Variants in ITFG1 observed in about 807,000 individuals in gnomAD.
ITFG1 encodes the protein integrin alpha FG-GAP repeat containing 1, also known as T-cell immunomodulatory protein.
ITFG1 carries 34 observed loss-of-function variants against 81.8 expected under a neutral mutation model. That is an observed-to-expected ratio of 0.42 (90% CI 0.32 to 0.55). The LOEUF (loss-of-function observed/expected upper bound fraction) is 0.55. ITFG1 is among the 20% of genes least tolerant of loss of function. ITFG1 has a pLI of 0.17. For missense variants in ITFG1, 672 were observed against 755.4 expected, an observed-to-expected ratio of 0.89 and a Z score of 1.29; for synonymous variants, 285 against 270.6, an observed-to-expected ratio of 1.05 and a Z score of -0.52.
At chr16:47,268,817 A>G (rs1966306305) in intron 10 of ITFG1, among the ~76,000 whole-genome samples, 1 of 152,278 alleles carries the variant, frequency 6.6e-6, no homozygotes, top group African/African-American at 2.4e-5. Flanking sequence ...ATCATGACCA[A>G]GTTGAATTTA....
chr16:47,412,695 C>CAA (rs34669796), intron 6 of ITFG1, among the ~76,000 whole-genome samples: 2 of 106,108 alleles, frequency 1.9e-5, no homozygotes, highest in Admixed American at 9.6e-5. Context: ...GACTCTGTCT[C>CAA]AAAAAAAAAA....
At chr16:47,427,318 T>C (rs1175454928) in intron 6 of ITFG1, among the ~76,000 whole-genome samples, 1 of 152,158 alleles carries the variant, frequency 6.6e-6, no homozygotes, top group Non-Finnish European at 1.5e-5. Context: ...CAGCAACACC[T>C]AGGAAATATT....
intron 6 of ITFG1, among the ~76,000 whole-genome samples, chr16:47,422,021 T>C (rs900542734): frequency 1.3e-5 from 2 of 152,226 alleles, no homozygotes; most frequent in Non-Finnish European, 1.5e-5. Flanking sequence ...TCCTTTTTTA[T>C]GGATGCACAG....
chr16:47,386,454 C>A (rs1210036885), intron 6 of ITFG1, among the ~76,000 whole-genome samples: 1 of 152,186 alleles, frequency 6.6e-6, no homozygotes, highest in African/African-American at 2.4e-5. Context: ...TTCTCATCTC[C>A]TCCTGCTATA....
At chr16:47,200,413 C>T (rs1057230976) in intron 14 of ITFG1, among the ~76,000 whole-genome samples, 1 of 152,068 alleles carries the variant, frequency 6.6e-6, no homozygotes, top group Admixed American at 6.6e-5. Context: ...CTCTTTACCC[C>T]AGGAAAATGA....
chr16:47,368,555 C>CAAAAAAAAAAAAA lies in ITFG1; in HGVS notation c.721-2699_721-2687dup, dbSNP rs35965452. Among the ~76,000 whole-genome samples, 33 of 33,578 alleles carry CAAAAAAAAAAAAA rather than the reference C, an allele frequency of 9.8e-4. 2 individuals carry two copies. The highest frequency in any genetic ancestry group is 2.3e-3 in the African/African-American group (17 of 7,318). 22.0% of individuals were successfully genotyped at this position (33,578 alleles called of 152,430 possible). ...TGGGTGACAGAGCAAGACTCCATCT[C>CAAAAAAAAAAAAA]AAAAAAAAAAAAAAAAAAAAAAAAA... On this transcript the variant is annotated intron_variant, in intron 7 of 17. Coordinates refer to ENST00000320640, the MANE Select transcript of ITFG1 (RefSeq NM_030790.5).
chr16:47,315,781 A>G (rs1967346532), intron 8 of ITFG1, among the ~76,000 whole-genome samples: 1 of 151,272 alleles, frequency 6.6e-6, no homozygotes, highest in Non-Finnish European at 1.5e-5. Context: ...ATATATATAC[A>G]CATATATATA....
At chr16:47,397,852 G>A (rs1182702610) in intron 6 of ITFG1, among the ~76,000 whole-genome samples, 1 of 152,192 alleles carries the variant, frequency 6.6e-6, no homozygotes. Flanking sequence ...ACTGCAGGCA[G>A]CCACGGGAAC....
chr16:47,364,003 AG>A (rs1339926652), intron 8 of ITFG1, among the ~76,000 whole-genome samples: 5 of 152,218 alleles, frequency 3.3e-5, no homozygotes, highest in Non-Finnish European at 7.3e-5. Flanking sequence ...TTTGGTTCAA[AG>A]GAAGTAGGTG....
At chr16:47,284,093 A>G (rs200585253) in intron 10 of ITFG1, among the ~76,000 whole-genome samples, 2 of 152,112 alleles carry the variant, frequency 1.3e-5, no homozygotes, top group Non-Finnish European at 2.9e-5. Flanking sequence ...ATGGCTTGGG[A>G]GGTGATGGCT....
intron 10 of ITFG1, among the ~76,000 whole-genome samples, chr16:47,292,684 C>T (rs1251578932): frequency 6.6e-6 from 1 of 152,146 alleles, no homozygotes; most frequent in Non-Finnish European, 1.5e-5. Context: ...TCCAAGTCTT[C>T]AGTGACTATT....
At chr16:47,362,876 A>C (rs1968126728) in intron 8 of ITFG1, among the ~76,000 whole-genome samples, 1 of 151,578 alleles carries the variant, frequency 6.6e-6, no homozygotes, top group South Asian at 2.1e-4. Context: ...TGGACTATAA[A>C]TTTCTTTCTT....
At chr16:47,242,952 T>C (rs1272367784) in intron 12 of ITFG1, among the ~76,000 whole-genome samples, 1 of 152,180 alleles carries the variant, frequency 6.6e-6, no homozygotes, top group Non-Finnish European at 1.5e-5. Context: ...GTGTTAAAAT[T>C]TATAGAGCTG....
chr16:47,423,134 T>C (rs957782008), intron 6 of ITFG1, among the ~76,000 whole-genome samples: 3 of 152,346 alleles, frequency 2.0e-5, no homozygotes, highest in Admixed American at 6.5e-5. Flanking sequence ...ATATTTAGGA[T>C]AGTTAGCTCT....
Position 47,155,543 on chromosome 16 carries a change from T to TA in ITFG1, c.*175dup, listed in dbSNP as rs35044892. Reference sequence around the variant, plus strand: ...CCAAATTTTTATATACAAAGTGCTTTAAAAAAAAAGACCTTGTGACATATT... The same window carrying TA: ...CCAAATTTTTATATACAAAGTGCTTTAAAAAAAAAAGACCTTGTGACATATT... On this transcript the variant is annotated 3_prime_UTR_variant, in exon 18 of 18. Coordinates refer to ENST00000320640, the MANE Select transcript of ITFG1 (RefSeq NM_030790.5). 201 of 461,676 alleles carry TA rather than the reference T, an allele frequency of 4.4e-4. No homozygotes were observed. Among genetic ancestry groups the TA allele is most frequent in the South Asian group, 6.2e-4 (16 of 25,888 alleles). The allele number at this position is 461,676 out of a possible 1,614,324, so 28.6% of individuals were successfully genotyped here.
chr16:47,448,014 G>A (rs369024973), intron 5 of ITFG1: 12 of 152,124 alleles, frequency 7.9e-5, no homozygotes, highest in East Asian at 1.9e-4. Context: ...TGCTGCCAGG[G>A]GAATCTGAAG....
chr16:47,411,390 C>T (rs1292541577), intron 6 of ITFG1, among the ~76,000 whole-genome samples: 4 of 152,046 alleles, frequency 2.6e-5, no homozygotes, highest in Non-Finnish European at 4.4e-5. Flanking sequence ...GGGCAGATAC[C>T]GGGGAGGCCA....
intron 9 of ITFG1, 52 bp downstream of exon 9, chr16:47,313,677 T>C (rs959317519): frequency 9.1e-6 from 9 of 988,274 alleles, no homozygotes; most frequent in Non-Finnish European, 1.4e-5. Flanking sequence ...TTAGAAGATT[T>C]TTTTCCAAGC....
chr16:47,228,364 G>T lies in ITFG1; in HGVS notation c.1375-9418C>A, dbSNP rs8050475. 7.2e-3 allele frequency among the ~76,000 whole-genome samples: 1,087 copies of T among 150,388 alleles called. 15 individuals are homozygous for T. The highest frequency in any genetic ancestry group is 0.024 in the African/African-American group (963 of 40,916). ...ATAAAGATAAGAAGGTTTTTTTTTT[G>T]TTTGTTTGTTTTTTAGACAAGGTCT... is the stretch of plus-strand genomic sequence containing the variant. On this transcript the variant is annotated intron_variant, in intron 13 of 17. Coordinates refer to ENST00000320640, the MANE Select transcript of ITFG1 (RefSeq NM_030790.5).
Sources: gnomAD v4.1 joint callset for allele counts (sites outside exome capture counted in the v4.1 genomes callset) on GRCh38, gnomAD v4.1.1 for gene constraint, MANE v1.5 for transcripts, NCBI Gene and HGNC (gene_info 2026-07-23, HGNC 2026-07-21) for gene names.